The following NAA38 variants were observed in gnomAD, a reference collection of about 807,000 sequenced individuals.
The protein encoded by NAA38 is N-alpha-acetyltransferase 38, NatC auxiliary subunit, also known as LSM domain containing 1.
A neutral mutation model predicts 12.6 loss-of-function variants in NAA38; 15 were observed. The observed-to-expected ratio is 1.19, with a 90% confidence interval of 0.79 to 1.83. The LOEUF is 1.83. Among genes scored for constraint, NAA38 ranks in the 40% most tolerant of loss-of-function variants. NAA38 has a pLI of 0.00. For missense variants in NAA38, 183 were observed against 171.7 expected (o/e 1.07, Z -0.37); for synonymous variants, 88 against 69.9 (o/e 1.26, Z -1.29).
chr17:7,869,766 A>T, intron 2 of NAA38, among the ~76,000 whole-genome samples: 1 of 152,114 alleles, frequency 6.6e-6, no homozygotes, highest in East Asian at 1.9e-4. Context: ...CCGTCTCCAA[A>T]AAAAAGAAAA....
intron 2 of NAA38, among the ~76,000 whole-genome samples, chr17:7,874,074 G>A (rs1265151833): frequency 2.6e-5 from 4 of 152,162 alleles, no homozygotes; most frequent in African/African-American, 9.7e-5. Flanking sequence ...AAAATAAGAA[G>A]AGGGCACCAA....
chr17:7,878,713 T>A (rs1391838479), intron 2 of NAA38, among the ~76,000 whole-genome samples: 1 of 152,144 alleles, frequency 6.6e-6, no homozygotes, highest in Admixed American at 6.5e-5. Flanking sequence ...GCAACAAGGA[T>A]GAAACTACGT....
chr17:7,884,300 C>T lies in NAA38; in HGVS notation c.-167+865G>A, dbSNP rs541519127. 1.4e-4 allele frequency among the ~76,000 whole-genome samples: 19 copies of T among 134,598 alleles called. No homozygotes were observed. In the East Asian group the frequency reaches 3.7e-3, roughly 26 times the overall value. 88.3% of individuals were successfully genotyped at this position (134,598 alleles called of 152,430 possible). A position where few individuals can be genotyped will look rare whatever the true frequency, so the allele number is the denominator to read the frequency against. On this transcript the variant is annotated intron_variant, in intron 1 of 4. Coordinates refer to the NAA38 transcript ENST00000576861. ...CTCCCTTTCTTTATGGAGGGGGTGG[C>T]GGTGCTGGAGGGGGGGTTGTTTTAA...
At chr17:7,885,301 C>CGCCGCCGCCGCCGCCG (rs1967645649), upstream of NAA38, 1 of 137,462 alleles carries the variant, frequency 7.3e-6, no homozygotes, top group Non-Finnish European at 1.2e-5. Flanking sequence ...CCCGCCGCAC[C>CGCCGCCGCCGCCGCCG]CCTCCCCCGC....
At chr17:7,857,724 T>C (rs2078840570), upstream of NAA38, 8 of 1,291,954 alleles carry the variant, frequency 6.2e-6, no homozygotes, top group Non-Finnish European at 7.8e-6. Context: ...CTTTAGAAAC[T>C]GGAATTTAGC....
intron 2 of NAA38, among the ~76,000 whole-genome samples, chr17:7,872,661 A>G (rs1210029813): frequency 6.6e-6 from 1 of 152,198 alleles, no homozygotes; most frequent in Non-Finnish European, 1.5e-5. Flanking sequence ...GTGCCCGGGC[A>G]ATTTTTGTTT....
At chr17:7,860,295 G>C (rs1424771609), upstream of NAA38, 1 of 152,074 alleles carries the variant, frequency 6.6e-6, no homozygotes, top group East Asian at 1.9e-4. Context: ...GGGACTTCAG[G>C]TGCACGCCAC....
At chr17:7,885,158 C>T in intron 1 of NAA38, 2 of 981,636 alleles carry the variant, frequency 2.0e-6, no homozygotes, top group Non-Finnish European at 2.4e-6. Context: ...GGGGGCGAGG[C>T]ACCCACCGCG....
exon 3 of NAA38, chr17:7,866,554 A>C (rs968600834): frequency 8.2e-7 from 1 of 1,223,174 alleles, no homozygotes; most frequent in Non-Finnish European, 1.0e-6. Context: ...TTGGCCTTTC[A>C]GTTTCTGAAA....
At position 7,856,729 on chromosome 17, in the gene NAA38, G is replaced by T; in HGVS notation, c.*2C>A. On this transcript the variant is annotated 3_prime_UTR_variant, in exon 3 of 3. Coordinates refer to ENST00000575771, the MANE Select transcript of NAA38 (RefSeq NM_001320925.4). ...AAGTCTGAAAGGTAAGCGCCATCGT[G>T]GTCAGAGATACGGAGGCCCGGTCAG... The T allele has an allele frequency of 6.2e-7, 1 of 1,610,058 alleles. No individual in the cohort carries two copies. Among genetic ancestry groups the T allele is most frequent in the Non-Finnish European group, 8.5e-7 (1 of 1,176,414 alleles).
At chr17:7,858,251 G>A (rs773368286), upstream of NAA38, 2 of 1,614,074 alleles carry the variant, frequency 1.2e-6, no homozygotes, top group South Asian at 2.2e-5. Flanking sequence ...TATCTTACCT[G>A]GGACGCGTGT....
At chr17:7,867,184 G>A (rs940769856) in intron 2 of NAA38, among the ~76,000 whole-genome samples, 1 of 152,254 alleles carries the variant, frequency 6.6e-6, no homozygotes, top group South Asian at 2.1e-4. Flanking sequence ...AGAGGAAAGC[G>A]GGAGGCGGGG....
At chr17:7,868,091 A>G (rs1258801197) in intron 2 of NAA38, among the ~76,000 whole-genome samples, 2 of 152,184 alleles carry the variant, frequency 1.3e-5, no homozygotes, top group East Asian at 1.9e-4. Flanking sequence ...GGCTAGAGTT[A>G]TAGGTGTGGG....
chr17:7,874,015 G>C (rs574599071), intron 2 of NAA38, among the ~76,000 whole-genome samples: 11 of 152,152 alleles, frequency 7.2e-5, no homozygotes, highest in Non-Finnish European at 1.6e-4. Context: ...TGCATCCTGG[G>C]TGTAAACAAG....
intron 2 of NAA38, among the ~76,000 whole-genome samples, chr17:7,871,229 T>G (rs1394113336): frequency 6.6e-6 from 1 of 152,228 alleles, no homozygotes; most frequent in Non-Finnish European, 1.5e-5. Context: ...CACCTCTCAA[T>G]AGCTCTGACC....
intron 2 of NAA38, among the ~76,000 whole-genome samples, chr17:7,874,187 A>C (rs1001390412): frequency 6.6e-6 from 1 of 152,204 alleles, no homozygotes; most frequent in African/African-American, 2.4e-5. Flanking sequence ...TGAGGAGCTA[A>C]GGGACTACAT....
At chr17:7,876,012 G>C (rs1967169330) in intron 2 of NAA38, among the ~76,000 whole-genome samples, 1 of 152,018 alleles carries the variant, frequency 6.6e-6, no homozygotes, top group Non-Finnish European at 1.5e-5. Flanking sequence ...CCATTGTATG[G>C]ATATACTATA....
intron 2 of NAA38, among the ~76,000 whole-genome samples, chr17:7,868,367 G>A (rs926132172): frequency 3.3e-5 from 5 of 152,318 alleles, no homozygotes; most frequent in Middle Eastern, 3.4e-3. Context: ...AGGTCATGGT[G>A]GCTTTGTTAG....
intron 2 of NAA38, among the ~76,000 whole-genome samples, chr17:7,876,229 C>T (rs1967172694): frequency 6.6e-6 from 1 of 151,898 alleles, no homozygotes; most frequent in Admixed American, 6.6e-5. Context: ...CTTCTTGATT[C>T]CCACGAAGCA....
Sources: gnomAD v4.1 joint callset for allele counts (sites outside exome capture counted in the v4.1 genomes callset) on GRCh38, gnomAD v4.1.1 for gene constraint, MANE v1.5 for transcripts, NCBI Gene and HGNC (gene_info 2026-07-23, HGNC 2026-07-21) for gene names.